HMGCLL1: variants seen among roughly 807,000 people sequenced by gnomAD.
HMGCLL1 encodes 3-hydroxymethyl-3-methylglutaryl-CoA lyase, cytoplasmic.
Under a neutral mutation model 39.1 loss-of-function variants are expected in HMGCLL1, and 36 were observed. The ratio of observed to expected loss-of-function variants is 0.92; its 90% CI spans 0.71 to 1.22. HMGCLL1 has a LOEUF of 1.22. Among genes scored for constraint, HMGCLL1 ranks in the 50% most tolerant of loss-of-function variants. The pLI is 0.00. For synonymous variants in HMGCLL1, 149 were observed against 144.0 expected, an observed-to-expected ratio of 1.03 and a Z score of -0.25; for missense variants, 451 against 416.5, an observed-to-expected ratio of 1.08 and a Z score of -0.72.
At chr6:55,448,041 G>C (rs1186651518) in intron 7 of HMGCLL1, among the ~76,000 whole-genome samples, 2 of 152,068 alleles carry the variant, frequency 1.3e-5, no homozygotes, top group Non-Finnish European at 1.5e-5. Context: ...TTTCTGAAAA[G>C]TTTCCACACA....
At chr6:55,622,818 G>A in the HMGCLL1 span, among the ~76,000 whole-genome samples, 1 of 151,910 alleles carries the variant, frequency 6.6e-6, no homozygotes, top group Non-Finnish European at 1.5e-5. Flanking sequence ...GTTTTTTGTA[G>A]CATAGTTTCA....
the HMGCLL1 span, among the ~76,000 whole-genome samples, chr6:55,670,542 T>C: frequency 1.3e-5 from 2 of 151,776 alleles, no homozygotes; most frequent in Non-Finnish European, 2.9e-5. Flanking sequence ...GTAGATGTAA[T>C]GAATAAGATA....
At chr6:55,585,930 A>G in the HMGCLL1 span, among the ~76,000 whole-genome samples, 3 of 152,146 alleles carry the variant, frequency 2.0e-5, no homozygotes, top group East Asian at 1.9e-4. Context: ...AATGCAAAGC[A>G]TATCTATTTT....
At chr6:55,645,378 G>C in the HMGCLL1 span, among the ~76,000 whole-genome samples, 1 of 151,778 alleles carries the variant, frequency 6.6e-6, no homozygotes, top group African/African-American at 2.4e-5. Context: ...TTCCAATTTG[G>C]ATGCCTTTAC....
intron 3 of HMGCLL1, among the ~76,000 whole-genome samples, chr6:55,518,837 G>C (rs934724646): frequency 2.0e-5 from 3 of 152,090 alleles, no homozygotes; most frequent in Non-Finnish European, 4.4e-5. Flanking sequence ...CTGAAGACCA[G>C]ACACAACCTG....
intron 7 of HMGCLL1, among the ~76,000 whole-genome samples, chr6:55,478,420 T>A (rs1282619031): frequency 6.6e-6 from 1 of 151,438 alleles, no homozygotes; most frequent in Admixed American, 6.6e-5. Context: ...AATAAAATAG[T>A]ATATATGAAT....
At chr6:55,562,298 G>A (rs191668397) in intron 1 of HMGCLL1, among the ~76,000 whole-genome samples, 4 of 152,062 alleles carry the variant, frequency 2.6e-5, no homozygotes, top group African/African-American at 9.7e-5. Context: ...AGTGTGTTGG[G>A]ATAATTTAGT....
intron 7 of HMGCLL1, among the ~76,000 whole-genome samples, chr6:55,451,988 A>T (rs1764110311): frequency 6.6e-6 from 1 of 152,186 alleles, no homozygotes; most frequent in Non-Finnish European, 1.5e-5. Flanking sequence ...TAATACCTAG[A>T]ACATAATAAG....
intron 7 of HMGCLL1, among the ~76,000 whole-genome samples, chr6:55,443,985 A>G (rs1399040750): frequency 6.6e-6 from 1 of 152,152 alleles, no homozygotes; most frequent in African/African-American, 2.4e-5. Context: ...AAGTGTGAAT[A>G]TAAATAGACA....
chr6:55,517,813 AT>A (rs2127438991), intron 3 of HMGCLL1, among the ~76,000 whole-genome samples: 1 of 152,254 alleles, frequency 6.6e-6, no homozygotes, highest in African/African-American at 2.4e-5. Flanking sequence ...GAGTTTTTAA[AT>A]ACATATAAAT....
At chr6:55,491,001 G>C (rs1344321745) in intron 7 of HMGCLL1, among the ~76,000 whole-genome samples, 2 of 151,978 alleles carry the variant, frequency 1.3e-5, no homozygotes, top group Non-Finnish European at 2.9e-5. Context: ...AGGAGCCTTG[G>C]TTATACACAC....
intron 1 of HMGCLL1, among the ~76,000 whole-genome samples, chr6:55,542,393 G>A (rs1333522588): frequency 3.9e-5 from 6 of 151,994 alleles, no homozygotes; most frequent in African/African-American, 1.4e-4. Context: ...AAATATAATT[G>A]AAGAATAATT....
chr6:55,490,210 T>C (rs778387841), intron 7 of HMGCLL1, among the ~76,000 whole-genome samples: 21 of 152,134 alleles, frequency 1.4e-4, no homozygotes, highest in Non-Finnish European at 2.8e-4. Context: ...AGAGTTTCCT[T>C]GGTCCAGTGA....
chr6:55,649,495 G>C, the HMGCLL1 span, among the ~76,000 whole-genome samples: 1 of 150,116 alleles, frequency 6.7e-6, no homozygotes, highest in Non-Finnish European at 1.5e-5. Flanking sequence ...TCTTGCTGCT[G>C]TTAGGATCCT....
At chr6:55,666,191 A>T in the HMGCLL1 span, among the ~76,000 whole-genome samples, 1 of 151,804 alleles carries the variant, frequency 6.6e-6, no homozygotes, top group Non-Finnish European at 1.5e-5. Flanking sequence ...ATGCTAAAAA[A>T]GTAATGGAAC....
the HMGCLL1 span, among the ~76,000 whole-genome samples, chr6:55,640,746 T>C: frequency 1.3e-5 from 2 of 151,520 alleles, no homozygotes; most frequent in Non-Finnish European, 2.9e-5. Context: ...ATATATTATA[T>C]TACAAAATTT....
chr6:55,601,018 A>C, the HMGCLL1 span, among the ~76,000 whole-genome samples: 13 of 152,336 alleles, frequency 8.5e-5, no homozygotes, highest in Non-Finnish European at 1.9e-4. Context: ...AATAAATAAA[A>C]AATAATTTTT....
chr6:55,571,544 G>A (rs147546536), intron 1 of HMGCLL1, among the ~76,000 whole-genome samples: 6,618 of 152,184 alleles, frequency 0.043, 176 homozygotes, highest in South Asian at 0.11. Context: ...GGTGGCTCAC[G>A]CCTGTAATCC....
the HMGCLL1 span, among the ~76,000 whole-genome samples, chr6:55,637,356 C>T: frequency 6.6e-6 from 1 of 152,024 alleles, no homozygotes; most frequent in African/African-American, 2.4e-5. Flanking sequence ...CAGGTTACTT[C>T]GGGTTACTTT....
Sources: gnomAD v4.1 joint callset for allele counts (sites outside exome capture counted in the v4.1 genomes callset) on GRCh38, gnomAD v4.1.1 for gene constraint, MANE v1.5 for transcripts, NCBI Gene and HGNC (gene_info 2026-07-23, HGNC 2026-07-21) for gene names.